Variants in TMEM132B observed in about 807,000 individuals in gnomAD.
The protein encoded by TMEM132B is transmembrane protein 132B.
A neutral mutation model predicts 90.8 loss-of-function variants in TMEM132B; 18 were observed. The ratio of observed to expected loss-of-function variants is 0.20; its 90% CI spans 0.14 to 0.29. The LOEUF is 0.29. Among genes scored for constraint, TMEM132B ranks in the 10% least tolerant of loss-of-function variants. The pLI is 1.00. For synonymous variants in TMEM132B, 504 were observed against 523.3 expected, an observed-to-expected ratio of 0.96 and a Z score of 0.50; for missense variants, 1,096 against 1,326.8, an observed-to-expected ratio of 0.83 and a Z score of 2.70.
intron 1 of TMEM132B, among the ~76,000 whole-genome samples, chr12:125,198,630 C>G (rs933114609): frequency 6.6e-6 from 1 of 152,216 alleles, no homozygotes. Flanking sequence ...GTCCGAAGCT[C>G]ATTTCTGGAA....
intron 3 of TMEM132B, among the ~76,000 whole-genome samples, chr12:125,433,732 T>C (rs1249575620): frequency 7.4e-6 from 1 of 134,708 alleles, no homozygotes; most frequent in Admixed American, 8.7e-5. Flanking sequence ...CCAACAATGA[T>C]AGACTGGATT....
intron 1 of TMEM132B, chr12:125,326,555 A>G (rs376798986): frequency 1.3e-5 from 19 of 1,412,346 alleles, no homozygotes; most frequent in South Asian, 1.2e-4. Flanking sequence ...GGTGGGAATT[A>G]GGAACTGGGG....
In TMEM132B at chr12:125,208,776, G is replaced by A. The variant is rs527920814; in HGVS notation, c.67+21910G>A. On this transcript the variant is annotated intron_variant, in intron 1 of 8. Transcript: ENST00000682704. ...GGTAGAAAGGAAGGCCCCTTCCACA[G>A]CCCTGTGGTAAACAGGTTTCCTCTT... Among the ~76,000 whole-genome samples the A allele has an allele frequency of 2.0e-5, 3 of 152,290 alleles. No homozygotes were observed. In the South Asian group the frequency reaches 6.2e-4, roughly 32 times the overall value.
chr12:125,310,814 C>G (rs891850649), intron 1 of TMEM132B, among the ~76,000 whole-genome samples: 1 of 152,202 alleles, frequency 6.6e-6, no homozygotes, highest in Non-Finnish European at 1.5e-5. Context: ...AGGGCACCTC[C>G]CTTTCATCTG....
chr12:125,445,297 G>A lies in TMEM132B; in HGVS notation c.1106+29620G>A, dbSNP rs1880976531. 1.3e-5 allele frequency among the ~76,000 whole-genome samples: 2 copies of A among 152,164 alleles called. No homozygotes were observed. Among genetic ancestry groups the A allele is most frequent in the African/African-American group, 4.8e-5 (2 of 41,420 alleles). ...TCTGTGTCCTGACCCTATCACTAGA[G>A]ACCTTAGGCATAGAACCCCTTGCTG... On this transcript the variant is annotated intron_variant, in intron 3 of 8. Coordinates refer to ENST00000682704, the MANE Select transcript of TMEM132B (RefSeq NM_001366854.1). This position sits in a 1 kb window ranked among gnomAD's most constrained non-coding sequence, Gnocchi z 4.3.
At chr12:125,188,728 C>CAG (rs1232653106) in intron 1 of TMEM132B, among the ~76,000 whole-genome samples, 4 of 151,858 alleles carry the variant, frequency 2.6e-5, no homozygotes, top group Non-Finnish European at 5.9e-5. Context: ...GCCGTCCGGG[C>CAG]AGAGCCCCCA....
intron 1 of TMEM132B, among the ~76,000 whole-genome samples, chr12:125,306,793 A>G (rs57643581): frequency 0.25 from 38,513 of 152,174 alleles, 5,746 homozygotes; most frequent in Non-Finnish European, 0.35. Flanking sequence ...CCTCTGCTCA[A>G]AATGCCCCAG....
At chr12:125,533,555 C>A (rs1489777621) in intron 4 of TMEM132B, among the ~76,000 whole-genome samples, 1 of 152,216 alleles carries the variant, frequency 6.6e-6, no homozygotes, top group African/African-American at 2.4e-5. Context: ...GACAAGGGGT[C>A]GCGATGGCAT....
chr12:125,352,135 A>G (rs1877607524), intron 2 of TMEM132B, among the ~76,000 whole-genome samples: 1 of 152,224 alleles, frequency 6.6e-6, no homozygotes, highest in Admixed American at 6.5e-5. Flanking sequence ...CTTCTTCTTC[A>G]GGAAGGCCTT....
rs544073730 is a variant in TMEM132B, at chr12:125,364,794, A to C, written c.959+14451A>C. Among the ~76,000 whole-genome samples the C allele has an allele frequency of 1.5e-3, 228 of 151,988 alleles. 1 individual carries two copies. Among genetic ancestry groups the C allele is most frequent in the African/African-American group, 5.1e-3 (210 of 41,494 alleles). ...TTGACTTGATTTTATTTTCATTTTA[A>C]GATGTTTTGTTGATAGGATATAGCA... On this transcript the variant is annotated intron_variant, in intron 2 of 8. Coordinates refer to ENST00000682704, the MANE Select transcript of TMEM132B (RefSeq NM_001366854.1).
intron 1 of TMEM132B, among the ~76,000 whole-genome samples, chr12:125,293,027 G>C (rs1875582145): frequency 6.6e-6 from 1 of 152,218 alleles, no homozygotes; most frequent in African/African-American, 2.4e-5. Flanking sequence ...GAGTTCTTAA[G>C]CCCAGGTCAT....
chr12:125,371,130 A>G lies in TMEM132B; in HGVS notation c.959+20787A>G, dbSNP rs1042397122. Among the ~76,000 whole-genome samples the G allele has an allele frequency of 2.0e-5, 3 of 152,086 alleles. No homozygotes were observed. In the South Asian group the frequency reaches 6.2e-4, roughly 32 times the overall value. The stretch of plus-strand genomic sequence containing the variant: ...TGTTCGAGGGTAGGAAGCATCCAGC[A>G]CAGGAGACAGATGAAGGCCAGAAGC... On this transcript the variant is annotated intron_variant, in intron 2 of 8. Coordinates refer to ENST00000682704, the MANE Select transcript of TMEM132B (RefSeq NM_001366854.1).
In TMEM132B at chr12:125,278,131, C is replaced by T. The variant is rs928371351; in HGVS notation, c.68-71321C>T. Among the ~76,000 whole-genome samples the T allele has an allele frequency of 1.3e-4, 20 of 152,296 alleles. No homozygotes were observed. In the South Asian group the frequency reaches 2.1e-3, roughly 16 times the overall value. On this transcript the variant is annotated intron_variant, in intron 1 of 8. Transcript: ENST00000682704. ...AGAGCAGAGGTTGGCAAACTACAGC[C>T]GGTGGGTCAAATGTGGCACTCTATG...
chr12:125,188,794 G>A (rs1308900029), intron 1 of TMEM132B, among the ~76,000 whole-genome samples: 2 of 136,104 alleles, frequency 1.5e-5, no homozygotes, highest in Admixed American at 8.1e-5. Flanking sequence ...TCCCTACCAG[G>A]GACATAAAGA....
chr12:125,610,424 A>G (rs1377277154), intron 5 of TMEM132B, among the ~76,000 whole-genome samples: 2 of 152,112 alleles, frequency 1.3e-5, no homozygotes, highest in African/African-American at 4.8e-5. Flanking sequence ...TTTCTCTTCT[A>G]TTCCTAGTTT....
rs1957761041 is a variant in TMEM132B at position 125,186,498 on chromosome 12, G to A, written c.-302G>A. On this transcript the variant is annotated 5_prime_UTR_variant, in exon 1 of 9. Coordinates refer to ENST00000682704, the MANE Select transcript of TMEM132B (RefSeq NM_001366854.1). This position sits in a 1 kb window ranked among gnomAD's most constrained non-coding sequence, Gnocchi z 6.3. ...GCTGGGGCGCAGGAGCCGCGGCGGC[G>A]GCGGCGGCGGGGGCCGCGCAACTCG... Among the ~76,000 whole-genome samples the A allele has an allele frequency of 6.8e-6, 1 of 146,476 alleles. No individual in the cohort carries two copies. Among genetic ancestry groups the A allele is most frequent in the African/African-American group, 2.4e-5 (1 of 40,846 alleles).
chr12:125,288,189 G>A (rs940971003), intron 1 of TMEM132B, among the ~76,000 whole-genome samples: 12 of 150,900 alleles, frequency 8.0e-5, no homozygotes, highest in African/African-American at 2.9e-4. Flanking sequence ...CTGTTTTAAA[G>A]AGCTGCCAGC....
chr12:125,461,451 G>T (rs887320577), intron 3 of TMEM132B, among the ~76,000 whole-genome samples: 2 of 152,322 alleles, frequency 1.3e-5, no homozygotes, highest in East Asian at 1.9e-4. Flanking sequence ...GGCCCCGGGA[G>T]CCCCTGCCCC....
intron 5 of TMEM132B, among the ~76,000 whole-genome samples, chr12:125,591,929 C>G (rs1238639977): frequency 6.6e-6 from 1 of 152,146 alleles, no homozygotes; most frequent in Non-Finnish European, 1.5e-5. Context: ...TAAATAAGAT[C>G]ACATTCACAG....
Sources: allele counts gnomAD v4.1 joint callset (sites outside exome capture counted in the v4.1 genomes callset), GRCh38; gene constraint gnomAD v4.1.1; non-coding constraint Gnocchi (gnomAD v3.1); transcripts MANE v1.5; gene names NCBI Gene and HGNC (gene_info 2026-07-23, HGNC 2026-07-21).